PRKG1: variants seen among roughly 807,000 people sequenced by gnomAD.
PRKG1 encodes the protein protein kinase cGMP-dependent 1, also known as cGMP-dependent protein kinase 1.
Under a neutral mutation model 88.1 loss-of-function variants are expected in PRKG1, and 35 were observed. The ratio of observed to expected loss-of-function variants is 0.40; its 90% confidence interval spans 0.30 to 0.53. The LOEUF is 0.53. Among genes scored for constraint, PRKG1 ranks in the 20% least tolerant of loss-of-function variants. PRKG1 has a pLI of 0.59. For missense variants in PRKG1, 540 were observed against 839.8 expected (o/e 0.64, Z 4.41); for synonymous variants, 303 against 292.5 (o/e 1.04, Z -0.37).
chr10:51,154,887 A>G (rs1005334462), intron 2 of PRKG1, among the ~76,000 whole-genome samples: 2 of 152,036 alleles, frequency 1.3e-5, no homozygotes, highest in Admixed American at 1.3e-4. Context: ...AGCAGAAAGG[A>G]TGGAAAAGTG....
chr10:51,265,076 G>C (rs894900498), intron 2 of PRKG1, among the ~76,000 whole-genome samples: 9 of 151,928 alleles, frequency 5.9e-5, no homozygotes, highest in Non-Finnish European at 1.2e-4. Context: ...ACCAGTAAGA[G>C]AGTTGTGCAT....
chr10:51,341,380 G>C (rs943870328), intron 2 of PRKG1, among the ~76,000 whole-genome samples: 8 of 152,190 alleles, frequency 5.3e-5, no homozygotes, highest in Non-Finnish European at 1.2e-4. Context: ...GGCTGAGCAT[G>C]ATAGAGGCAG....
intron 2 of PRKG1, chr10:51,319,958 C>T (rs1314687962): frequency 2.2e-5 from 5 of 228,058 alleles, no homozygotes. Context: ...CCATACCATA[C>T]AACTGGTCCT....
At chr10:51,286,604 A>T (rs1284230000) in intron 2 of PRKG1, among the ~76,000 whole-genome samples, 1 of 152,208 alleles carries the variant, frequency 6.6e-6, no homozygotes, top group Non-Finnish European at 1.5e-5. Context: ...ATATACAGTT[A>T]TTATAATTGT....
intron 2 of PRKG1, among the ~76,000 whole-genome samples, chr10:51,338,369 G>A (rs978805779): frequency 3.3e-5 from 5 of 152,050 alleles, no homozygotes; most frequent in Non-Finnish European, 5.9e-5. Context: ...ATTTACCTAC[G>A]TAACAAACCT....
chr10:51,615,286 C>G (rs1183162604), intron 3 of PRKG1, among the ~76,000 whole-genome samples: 10 of 152,042 alleles, frequency 6.6e-5, no homozygotes, highest in Admixed American at 5.2e-4. Flanking sequence ...TGAGTTTAGA[C>G]AGTTTGACTA....
intron 5 of PRKG1, among the ~76,000 whole-genome samples, chr10:51,979,310 C>T (rs897307263): frequency 4.7e-5 from 7 of 149,896 alleles, no homozygotes; most frequent in African/African-American, 1.7e-4. Context: ...ATAAAGCCTA[C>T]TTGAATGTGA....
At chr10:51,494,400 C>CT (rs1450409133) in intron 3 of PRKG1, among the ~76,000 whole-genome samples, 1 of 152,186 alleles carries the variant, frequency 6.6e-6, no homozygotes, top group Non-Finnish European at 1.5e-5. Flanking sequence ...TTGCCAGTAT[C>CT]TGTTAACTAC....
intron 1 of PRKG1, among the ~76,000 whole-genome samples, chr10:51,016,676 T>TTTC (rs1843069325): frequency 2.2e-5 from 2 of 89,554 alleles, no homozygotes; most frequent in African/African-American, 5.3e-5. Context: ...ATCCTTTCTT[T>TTTC]TTTTTTTTTT....
intron 3 of PRKG1, among the ~76,000 whole-genome samples, chr10:51,630,526 T>C (rs1178970311): frequency 6.6e-6 from 1 of 152,214 alleles, no homozygotes; most frequent in Non-Finnish European, 1.5e-5. Context: ...TCTGCAGCTG[T>C]GCTGTTGGTT....
chr10:52,224,171 C>T (rs1018173171), intron 9 of PRKG1, among the ~76,000 whole-genome samples: 1 of 152,074 alleles, frequency 6.6e-6, no homozygotes, highest in Non-Finnish European at 1.5e-5. Context: ...CCTTGCGTCC[C>T]ATCTCATTGC....
In PRKG1 at chr10:51,105,024, C is replaced by T. The variant is rs138976422; in HGVS notation, c.311+30123C>T. On this transcript the variant is annotated intron_variant, in intron 1 of 17. Coordinates refer to ENST00000373980, the MANE Select transcript of PRKG1 (RefSeq NM_006258.4). ...GGATTACAGGCATGGGCCACCGCACCCAGCCCTGGCTAATTTTTGTATTTT... is the reference window on the plus strand; with the variant it reads ...GGATTACAGGCATGGGCCACCGCACTCAGCCCTGGCTAATTTTTGTATTTT... 3.1e-3 allele frequency among the ~76,000 whole-genome samples: 472 copies of T among 152,244 alleles called. 2 individuals are homozygous for T. Among genetic ancestry groups the T allele is most frequent in the African/African-American group, 1.0e-2 (414 of 41,562 alleles).
chr10:51,878,250 A>ATGTG lies in PRKG1; in HGVS notation c.699-29245_699-29242dup, dbSNP rs57901574. ...CATGTATGTATATATGTGTGAATAT[A>ATGTG]TGTGTGTGTGTGTGTATCCAGCACT... is the stretch of plus-strand genomic sequence containing the variant. On this transcript the variant is annotated intron_variant, in intron 4 of 17. Coordinates refer to ENST00000373980, the MANE Select transcript of PRKG1 (RefSeq NM_006258.4). Among the ~76,000 whole-genome samples the ATGTG allele has an allele frequency of 5.0e-4, 76 of 150,798 alleles. 1 individual carries two copies. The highest frequency in any genetic ancestry group is 3.6e-3 in the South Asian group (17 of 4,770).
chr10:51,930,495 C>CTTTTTTTTTTTTT lies in PRKG1; in HGVS notation c.762+22934_762+22946dup, dbSNP rs3029977. On this transcript the variant is annotated intron_variant, in intron 5 of 17. Coordinates refer to ENST00000373980, the MANE Select transcript of PRKG1 (RefSeq NM_006258.4). ...TTTTAAAAGAACCTTTTTTTTTCCT[C>CTTTTTTTTTTTTT]TTTTTTTTTTTTTTTTTTTTTGAGA... Among the ~76,000 whole-genome samples the CTTTTTTTTTTTTT allele has an allele frequency of 1.3e-4, 14 of 104,442 alleles. 2 individuals carry two copies. The highest frequency in any genetic ancestry group is 4.0e-4 in the African/African-American group (11 of 27,754). 68.5% of individuals were successfully genotyped at this position (104,442 alleles called of 152,430 possible). A position where few individuals can be genotyped will look rare whatever the true frequency, so the allele number is the denominator to read the frequency against.
chr10:51,130,730 G>T (rs1011897792), intron 1 of PRKG1, among the ~76,000 whole-genome samples: 1 of 151,834 alleles, frequency 6.6e-6, no homozygotes, highest in Non-Finnish European at 1.5e-5. Flanking sequence ...GTGAAACCCC[G>T]TCTCTACTAA....
intron 3 of PRKG1, among the ~76,000 whole-genome samples, chr10:51,604,752 GA>G (rs1384534228): frequency 6.6e-6 from 1 of 152,232 alleles, no homozygotes; most frequent in Non-Finnish European, 1.5e-5. Context: ...GGCAGGTGCA[GA>G]GGCCTTGGGG....
At chr10:52,153,476 A>C (rs1837999010) in intron 8 of PRKG1, among the ~76,000 whole-genome samples, 1 of 152,204 alleles carries the variant, frequency 6.6e-6, no homozygotes, top group African/African-American at 2.4e-5. Context: ...TGCAATTGGT[A>C]CACTTTGAAA....
At chr10:51,281,549 G>C (rs937392582) in intron 2 of PRKG1, among the ~76,000 whole-genome samples, 1 of 152,266 alleles carries the variant, frequency 6.6e-6, no homozygotes, top group East Asian at 1.9e-4. Context: ...TAAACAAAGC[G>C]GCCTGGAAGC....
intron 3 of PRKG1, among the ~76,000 whole-genome samples, chr10:51,755,398 C>T (rs12256912): frequency 0.41 from 61,701 of 151,984 alleles, 13,113 homozygotes; most frequent in Middle Eastern, 0.54. Context: ...GGTTTGGGAG[C>T]TAGGCTTTCT....
Sources: gnomAD v4.1 joint callset for allele counts (sites outside exome capture counted in the v4.1 genomes callset) on GRCh38, gnomAD v4.1.1 for gene constraint, MANE v1.5 for transcripts, NCBI Gene and HGNC (gene_info 2026-07-23, HGNC 2026-07-21) for gene names.